OSBPL10: variants seen among roughly 807,000 people sequenced by gnomAD.
OSBPL10 encodes oxysterol binding protein like 10, also known as oxysterol-binding protein-related protein 10.
OSBPL10 carries 49 observed loss-of-function variants against 81.7 expected under a neutral mutation model. The observed-to-expected ratio is 0.60, with a 90% confidence interval of 0.48 to 0.76. The LOEUF is 0.76. Ranked by LOEUF, OSBPL10 falls within the 30% of genes least tolerant of loss-of-function variation. The pLI is 0.00. For synonymous variants in OSBPL10, 419 were observed against 383.6 expected (o/e 1.09, Z -1.08); for missense variants, 923 against 987.8 (o/e 0.93, Z 0.88).
At chr3:31,846,173 A>T (rs1189556968) in intron 3 of OSBPL10, among the ~76,000 whole-genome samples, 1 of 152,014 alleles carries the variant, frequency 6.6e-6, no homozygotes, top group Non-Finnish European at 1.5e-5. Flanking sequence ...CCACCACACT[A>T]CGCTAATTTT....
At chr3:31,725,389 T>A (rs1696777102) in intron 6 of OSBPL10, among the ~76,000 whole-genome samples, 1 of 152,190 alleles carries the variant, frequency 6.6e-6, no homozygotes, top group African/African-American at 2.4e-5. Context: ...ATGAACTACT[T>A]TCCCCCCAGA....
intron 5 of OSBPL10, among the ~76,000 whole-genome samples, chr3:31,738,603 T>A (rs1367000129): frequency 6.6e-6 from 1 of 152,202 alleles, no homozygotes; most frequent in African/African-American, 2.4e-5. Context: ...GTACATGCTA[T>A]CTGTGCATTG....
At chr3:31,672,458 A>G (rs1700350063) in intron 8 of OSBPL10, among the ~76,000 whole-genome samples, 3 of 140,248 alleles carry the variant, frequency 2.1e-5, no homozygotes, top group Admixed American at 7.3e-5. Flanking sequence ...GGGAGTGCGG[A>G]GGGAGGGGAA....
intron 6 of OSBPL10, among the ~76,000 whole-genome samples, chr3:31,706,282 CA>C (rs1290892056): frequency 1.3e-5 from 2 of 152,310 alleles, no homozygotes; most frequent in East Asian, 3.9e-4. Context: ...GTCACATGGA[CA>C]GCCCTTAAGA....
At chr3:31,800,377 A>G (rs1699349217) in intron 4 of OSBPL10, among the ~76,000 whole-genome samples, 1 of 152,234 alleles carries the variant, frequency 6.6e-6, no homozygotes, top group African/African-American at 2.4e-5. Context: ...AGAACAGAGA[A>G]AAAGTACTAA....
chr3:32,010,309 A>G (rs1215132681), intron 2 of OSBPL10, among the ~76,000 whole-genome samples: 6 of 152,172 alleles, frequency 3.9e-5, no homozygotes, highest in Non-Finnish European at 4.4e-5. Context: ...GAACTATGAG[A>G]AAATAAATTT....
At chr3:31,838,316 C>T (rs1559486419) in intron 3 of OSBPL10, among the ~76,000 whole-genome samples, 2 of 152,030 alleles carry the variant, frequency 1.3e-5, no homozygotes, top group Non-Finnish European at 2.9e-5. Flanking sequence ...CGAGACCATC[C>T]TGGCTAACAC....
chr3:31,730,467 T>C (rs954452659), intron 6 of OSBPL10, among the ~76,000 whole-genome samples: 2 of 152,184 alleles, frequency 1.3e-5, no homozygotes, highest in African/African-American at 4.8e-5. Flanking sequence ...ACGGAAAACC[T>C]TTTTCTATCT....
chr3:31,728,525 T>C (rs1029537683), intron 6 of OSBPL10, among the ~76,000 whole-genome samples: 4 of 152,246 alleles, frequency 2.6e-5, no homozygotes, highest in Admixed American at 2.0e-4. Context: ...GCTCTTCAAC[T>C]AGTAAACGGA....
chr3:31,862,980 C>T (rs1431483059), intron 3 of OSBPL10, among the ~76,000 whole-genome samples: 1 of 152,138 alleles, frequency 6.6e-6, no homozygotes, highest in African/African-American at 2.4e-5. Flanking sequence ...TTCACAGCAG[C>T]ATTATTCACA....
intron 1 of OSBPL10, among the ~76,000 whole-genome samples, chr3:32,062,570 G>T (rs111588463): frequency 5.3e-5 from 5 of 94,560 alleles, no homozygotes; most frequent in African/African-American, 1.1e-4. Flanking sequence ...TTTCATGCTG[G>T]TCCAGACAAA....
intron 6 of OSBPL10, among the ~76,000 whole-genome samples, chr3:31,714,438 G>A (rs1006124445): frequency 4.6e-5 from 7 of 152,194 alleles, no homozygotes; most frequent in Non-Finnish European, 1.0e-4. Flanking sequence ...GGAAGAGAGA[G>A]AGAAAGCACG....
intron 1 of OSBPL10, among the ~76,000 whole-genome samples, chr3:31,898,951 CTTTTTTTTTTTTTTT>C (rs201574850): frequency 0.19 from 17,076 of 88,470 alleles, 1,205 homozygotes; most frequent in Middle Eastern, 0.29. Context: ...AACTTTAAAC[CTTTTTTTTTTTTTTT>C]TTTTTTTTTT....
intron 4 of OSBPL10, among the ~76,000 whole-genome samples, chr3:31,785,376 G>A (rs560161098): frequency 3.3e-5 from 5 of 152,092 alleles, no homozygotes; most frequent in Admixed American, 6.5e-5. Context: ...CATGGTAGGC[G>A]TGTTTGATTG....
At chr3:32,047,020 G>T (rs1375125962) in intron 1 of OSBPL10, among the ~76,000 whole-genome samples, 1 of 152,170 alleles carries the variant, frequency 6.6e-6, no homozygotes, top group South Asian at 2.1e-4. Flanking sequence ...GTTTTTCTTT[G>T]AGACAGGGTC....
chr3:32,075,930 G>A (rs4546178), intron 1 of OSBPL10, among the ~76,000 whole-genome samples: 127,106 of 152,100 alleles, frequency 0.84, 54,686 homozygotes, highest in East Asian at 1. Flanking sequence ...GCCCCAGCCT[G>A]ACTGATCAAT....
intron 4 of OSBPL10, among the ~76,000 whole-genome samples, chr3:31,797,994 C>T (rs182525989): frequency 6.6e-5 from 10 of 152,170 alleles, no homozygotes; most frequent in African/African-American, 9.6e-5. Context: ...ACTCTGGGTC[C>T]GGGCATAAGG....
At chr3:32,077,424 G>A (rs749109523) in exon 1 of OSBPL10, 10 of 152,342 alleles carry the variant, frequency 6.6e-5, no homozygotes, top group Non-Finnish European at 1.2e-4. Context: ...TTGGGAGCCA[G>A]GCGCCAGGGG....
At chr3:31,864,654 T>G (rs1195831399) in intron 3 of OSBPL10, among the ~76,000 whole-genome samples, 2 of 152,030 alleles carry the variant, frequency 1.3e-5, no homozygotes, top group Non-Finnish European at 2.9e-5. Flanking sequence ...CATGGAGGTG[T>G]GCAGGGTGCT....
Sources: allele counts gnomAD v4.1 joint callset (sites outside exome capture counted in the v4.1 genomes callset), GRCh38; gene constraint gnomAD v4.1.1; transcripts MANE v1.5; gene names NCBI Gene and HGNC (gene_info 2026-07-23, HGNC 2026-07-21).